SWAP70: variants seen among roughly 807,000 people sequenced by gnomAD.
The protein encoded by SWAP70 is switch-associated protein 70.
In SWAP70, 34 loss-of-function variants were observed where a neutral mutation model predicts 80.2. The observed-to-expected ratio is 0.42, with a 90% CI of 0.32 to 0.56. The LOEUF is 0.56. Ranked by LOEUF, SWAP70 falls within the 20% of genes least tolerant of loss-of-function variation. The pLI, the probability that SWAP70 is intolerant of heterozygous loss-of-function variation, is 0.09. For synonymous variants in SWAP70, 239 were observed against 238.5 expected, an observed-to-expected ratio of 1.00 and a Z score of -0.02; for missense variants, 578 against 690.7, an observed-to-expected ratio of 0.84 and a Z score of 1.83.
intron 1 of SWAP70, among the ~76,000 whole-genome samples, chr11:9,687,066 C>G (rs945249311): frequency 6.6e-6 from 1 of 152,124 alleles, no homozygotes; most frequent in Non-Finnish European, 1.5e-5. Flanking sequence ...AGCATCTTTT[C>G]CTATATTTTA....
At chr11:9,677,827 A>T (rs1439314443) in intron 1 of SWAP70, among the ~76,000 whole-genome samples, 1 of 136,758 alleles carries the variant, frequency 7.3e-6, no homozygotes, top group African/African-American at 2.7e-5. Flanking sequence ...AATTTTGATG[A>T]ACAACATGGA....
chr11:9,715,179 A>G (rs1261569525), intron 3 of SWAP70, among the ~76,000 whole-genome samples: 1 of 151,868 alleles, frequency 6.6e-6, no homozygotes, highest in Non-Finnish European at 1.5e-5. Context: ...GGGTCTTGCC[A>G]TGTTGCCCAG....
At chr11:9,735,803 A>AT (rs1366038938) in intron 7 of SWAP70, among the ~76,000 whole-genome samples, 2 of 151,922 alleles carry the variant, frequency 1.3e-5, no homozygotes, top group Non-Finnish European at 2.9e-5. Context: ...TTTTAAGATT[A>AT]TTTTTTGGTC....
At chr11:9,708,290 C>A (rs1023543787) in intron 2 of SWAP70, among the ~76,000 whole-genome samples, 1 of 152,184 alleles carries the variant, frequency 6.6e-6, no homozygotes. Context: ...TTCTCCACAT[C>A]CTAACAATAA....
intron 2 of SWAP70, among the ~76,000 whole-genome samples, chr11:9,706,380 G>A (rs902811295): frequency 2.6e-5 from 4 of 151,922 alleles, no homozygotes; most frequent in Non-Finnish European, 5.9e-5. Flanking sequence ...ACATTGATCA[G>A]CACTTGTTTT....
intron 3 of SWAP70, among the ~76,000 whole-genome samples, chr11:9,720,917 A>G (rs536339236): frequency 4.2e-4 from 64 of 152,042 alleles, no homozygotes; most frequent in Non-Finnish European, 8.1e-4. Flanking sequence ...CTGGCTTCAA[A>G]CGGTTCTCCT....
At chr11:9,680,112 G>A (rs1380483219) in intron 1 of SWAP70, among the ~76,000 whole-genome samples, 1 of 152,202 alleles carries the variant, frequency 6.6e-6, no homozygotes, top group Non-Finnish European at 1.5e-5. Flanking sequence ...TCAGGCTACT[G>A]AACACTTTTT....
At chr11:9,713,895 C>G (rs920082) in intron 3 of SWAP70, among the ~76,000 whole-genome samples, 2 of 151,924 alleles carry the variant, frequency 1.3e-5, no homozygotes, top group African/African-American at 2.4e-5. Flanking sequence ...TCTATCCTCA[C>G]GTCCAAAGAG....
intron 5 of SWAP70, 130 bp downstream of exon 5, chr11:9,728,329 A>G (rs1262998532): frequency 2.8e-6 from 3 of 1,060,172 alleles, no homozygotes; most frequent in Non-Finnish European, 1.3e-6. Flanking sequence ...CCAAAATAAT[A>G]TAGGCATGCA....
intron 9 of SWAP70, chr11:9,742,017 T>G (rs1851446954): frequency 6.8e-6 from 1 of 147,710 alleles, no homozygotes; most frequent in Admixed American, 6.8e-5. Flanking sequence ...GAGGCTGCAG[T>G]GAGCTGCATT....
chr11:9,693,498 A>G (rs951122919), intron 1 of SWAP70, among the ~76,000 whole-genome samples: 1 of 152,082 alleles, frequency 6.6e-6, no homozygotes, highest in African/African-American at 2.4e-5. Context: ...CCTGAATCTA[A>G]TCCAGGCCCT....
At chr11:9,714,460 C>G (rs1326839508) in intron 3 of SWAP70, among the ~76,000 whole-genome samples, 1 of 152,146 alleles carries the variant, frequency 6.6e-6, no homozygotes, top group Non-Finnish European at 1.5e-5. Context: ...TAAGACTACT[C>G]TTATTACATG....
chr11:9,675,212 A>C (rs1850472952), intron 1 of SWAP70, among the ~76,000 whole-genome samples: 1 of 151,120 alleles, frequency 6.6e-6, no homozygotes, highest in South Asian at 2.1e-4. Flanking sequence ...GCCTGAACTC[A>C]GGAGATGGAG....
At chr11:9,713,767 C>A in intron 3 of SWAP70, 128 bp downstream of exon 3, 2 of 1,077,290 alleles carry the variant, frequency 1.9e-6, no homozygotes, top group Non-Finnish European at 2.7e-6. Flanking sequence ...GGATCAGAGG[C>A]AAAGCAGCCT....
chr11:9,741,446 C>G (rs1851436752), intron 9 of SWAP70: 1 of 152,128 alleles, frequency 6.6e-6, no homozygotes, highest in Non-Finnish European at 1.5e-5. Flanking sequence ...TGCCACTCGG[C>G]AGTGATTTTA....
intron 2 of SWAP70, among the ~76,000 whole-genome samples, chr11:9,697,024 C>G (rs1850766903): frequency 6.6e-6 from 1 of 151,920 alleles, no homozygotes; most frequent in South Asian, 2.1e-4. Context: ...CTAGCCTGAA[C>G]AACATAGTGA....
rs545128075 is a variant in SWAP70 at position 9,668,173 on chromosome 11, G to A, written c.99+3895G>A. Among the ~76,000 whole-genome samples, 90 of 152,358 alleles carry A rather than the reference G, an allele frequency of 5.9e-4. 3 individuals are homozygous for A. Among genetic ancestry groups the A allele is most frequent in the South Asian group, 1.9e-3 (9 of 4,830 alleles). On this transcript the variant is annotated intron_variant, in intron 1 of 11. Transcript: ENST00000318950. Reference sequence around the variant, plus strand: ...CAAAGCATTGGGATTATAGGCGTGAGCCACCATGCCTGGCCTATTTTCACA... The same window carrying A: ...CAAAGCATTGGGATTATAGGCGTGAACCACCATGCCTGGCCTATTTTCACA...
At chr11:9,741,937 T>TAAAA (rs1564835024) in intron 9 of SWAP70, 1 of 32,494 alleles carries the variant, frequency 3.1e-5, no homozygotes, top group Non-Finnish European at 8.0e-5. Context: ...AACCTCATCT[T>TAAAA]TAAAAAAAAA....
intron 1 of SWAP70, among the ~76,000 whole-genome samples, chr11:9,681,479 T>C (rs1850567858): frequency 6.6e-6 from 1 of 152,202 alleles, no homozygotes; most frequent in African/African-American, 2.4e-5. Context: ...TTAAAGTTTT[T>C]AGGTAGATAT....
Sources: allele counts gnomAD v4.1 joint callset (sites outside exome capture counted in the v4.1 genomes callset), GRCh38; gene constraint gnomAD v4.1.1; transcripts MANE v1.5; gene names NCBI Gene and HGNC (gene_info 2026-07-23, HGNC 2026-07-21).